Variants in ALCAM observed in about 807,000 individuals in gnomAD.
ALCAM encodes the protein CD166 antigen.
A neutral mutation model predicts 70.9 loss-of-function variants in ALCAM; 30 were observed. The observed-to-expected ratio is 0.42, with a 90% confidence interval of 0.32 to 0.57. The LOEUF (loss-of-function observed/expected upper bound fraction) is 0.57. ALCAM is among the 20% of genes least tolerant of loss of function. The probability of loss-of-function intolerance (pLI) is 0.11; values close to 1 mark genes in which losing one functional copy is unlikely to be tolerated. For synonymous variants in ALCAM, 249 were observed against 242.5 expected (o/e 1.03, Z -0.25); for missense variants, 591 against 695.1 (o/e 0.85, Z 1.68).
chr3:105,454,616 A>C (rs1050246157), intron 1 of ALCAM, among the ~76,000 whole-genome samples: 8 of 141,290 alleles, frequency 5.7e-5, no homozygotes, highest in Non-Finnish European at 9.1e-5. Context: ...TCTCAATAGC[A>C]CCTAGAACAG....
At chr3:105,482,191 C>T (rs920833268) in intron 1 of ALCAM, among the ~76,000 whole-genome samples, 33 of 152,166 alleles carry the variant, frequency 2.2e-4, no homozygotes, top group Non-Finnish European at 8.8e-5. Flanking sequence ...TTGGTCACTG[C>T]AACCTCTGTC....
chr3:105,565,445 T>A (rs1940722841), intron 14 of ALCAM, among the ~76,000 whole-genome samples: 1 of 152,224 alleles, frequency 6.6e-6, no homozygotes, highest in Admixed American at 6.5e-5. Context: ...TTATCATTTC[T>A]GATCTGTGTT....
At chr3:105,438,046 C>A (rs974043301) in intron 1 of ALCAM, among the ~76,000 whole-genome samples, 1 of 152,022 alleles carries the variant, frequency 6.6e-6, no homozygotes, top group Non-Finnish European at 1.5e-5. Context: ...AGAATTTTCC[C>A]TCTGCTGCCC....
At chr3:105,563,679 T>C (rs1337321075) in intron 14 of ALCAM, among the ~76,000 whole-genome samples, 1 of 96,314 alleles carries the variant, frequency 1.0e-5, no homozygotes, top group African/African-American at 4.7e-5. Context: ...TTTTTTTTTT[T>C]TTTTTTTTTT....
intron 1 of ALCAM, among the ~76,000 whole-genome samples, chr3:105,450,945 A>G (rs1937412097): frequency 6.6e-6 from 1 of 152,166 alleles, no homozygotes; most frequent in South Asian, 2.1e-4. Flanking sequence ...TAATTAATCA[A>G]TTCCAAACAT....
intron 1 of ALCAM, among the ~76,000 whole-genome samples, chr3:105,458,608 T>G (rs1937563806): frequency 6.6e-6 from 1 of 152,214 alleles, no homozygotes. Context: ...AACTAGATAT[T>G]TAAGCTTATT....
intron 1 of ALCAM, among the ~76,000 whole-genome samples, chr3:105,508,040 T>C (rs1303817068): frequency 6.6e-6 from 1 of 152,156 alleles, no homozygotes; most frequent in African/African-American, 2.4e-5. Context: ...TGATTTTCTA[T>C]TTTATTTTGA....
At chr3:105,532,203 T>A in intron 4 of ALCAM, 137 bp downstream of exon 4, 1 of 731,526 alleles carries the variant, frequency 1.4e-6, no homozygotes, top group East Asian at 2.6e-5. Flanking sequence ...TCAGAAATTA[T>A]CTACAAGGCA....
intron 1 of ALCAM, among the ~76,000 whole-genome samples, chr3:105,400,047 G>T (rs961529078): frequency 1.3e-5 from 2 of 152,078 alleles, no homozygotes; most frequent in Admixed American, 6.6e-5. Context: ...TTTATAAGTT[G>T]TCCCTACCTG....
chr3:105,565,511 A>T (rs1184010701), intron 14 of ALCAM, among the ~76,000 whole-genome samples: 2 of 152,122 alleles, frequency 1.3e-5, no homozygotes, highest in African/African-American at 2.4e-5. Flanking sequence ...TTATTATTAT[A>T]CTAATGTTTT....
intron 1 of ALCAM, among the ~76,000 whole-genome samples, chr3:105,368,223 A>AAGAGAGAGAGAGGAGAGAGAGAGAGAG (rs1935123067): frequency 7.4e-5 from 5 of 67,832 alleles, no homozygotes; most frequent in Admixed American, 4.1e-4. Context: ...TGAGTCTTGG[A>AAGAGAGAGAGAGGAGAGAGAGAGAGAG]AGAGAGAGAG....
In ALCAM at chr3:105,574,979, C is replaced by T. The variant is rs1940930426; in HGVS notation, c.*528C>T. ...GAAGATTGGGGACACTCATATTGCC[C>T]TAATTAAAAACTGTGATTTTTATCA... is the stretch of plus-strand genomic sequence containing the variant. On this transcript the variant is annotated 3_prime_UTR_variant, in exon 16 of 16. Transcript: ENST00000306107. 6.6e-6 allele frequency: 1 copy of T among 152,296 alleles called. No homozygotes were observed. Among genetic ancestry groups the T allele is most frequent in the Non-Finnish European group, 1.5e-5 (1 of 68,012 alleles). The allele number at this position is 152,296 out of a possible 1,614,324, so 9.4% of individuals were successfully genotyped here. A position where few individuals can be genotyped will look rare whatever the true frequency, so the allele number is the denominator to read the frequency against.
intron 1 of ALCAM, among the ~76,000 whole-genome samples, chr3:105,459,042 T>C (rs1029219857): frequency 6.6e-6 from 1 of 152,324 alleles, no homozygotes; most frequent in South Asian, 2.1e-4. Context: ...TTGTGTTGGA[T>C]GCTTAACAAC....
chr3:105,390,499 G>A (rs1935789907), intron 1 of ALCAM, among the ~76,000 whole-genome samples: 1 of 151,942 alleles, frequency 6.6e-6, no homozygotes, highest in South Asian at 2.1e-4. Context: ...CTGGATATTA[G>A]ACATTTGTCA....
intron 1 of ALCAM, among the ~76,000 whole-genome samples, chr3:105,474,442 G>A (rs1451787424): frequency 6.6e-6 from 1 of 151,712 alleles, no homozygotes; most frequent in Non-Finnish European, 1.5e-5. Flanking sequence ...ATGAGAGGAT[G>A]TTCAGTCTGA....
At chr3:105,456,767 C>T (rs1362991187) in intron 1 of ALCAM, among the ~76,000 whole-genome samples, 1 of 148,110 alleles carries the variant, frequency 6.8e-6, no homozygotes, top group Non-Finnish European at 1.5e-5. Context: ...TGTAAAATGG[C>T]TGTTTCTAAG....
At chr3:105,468,705 T>C (rs16851188) in intron 1 of ALCAM, among the ~76,000 whole-genome samples, 28,255 of 151,202 alleles carry the variant, frequency 0.19, 2,808 homozygotes, top group East Asian at 0.37. Context: ...CAAGAGTACA[T>C]AAAGATAATG....
intron 14 of ALCAM, among the ~76,000 whole-genome samples, chr3:105,566,075 A>G (rs576242134): frequency 7.9e-5 from 12 of 152,312 alleles, no homozygotes; most frequent in African/African-American, 2.4e-4. Flanking sequence ...CTGTTGTCCA[A>G]TGACAGAAAA....
intron 1 of ALCAM, among the ~76,000 whole-genome samples, chr3:105,414,138 C>T (rs912480932): frequency 6.6e-6 from 1 of 151,904 alleles, no homozygotes; most frequent in African/African-American, 2.4e-5. Flanking sequence ...GTGGCTCATA[C>T]CTGTATTCCC....
Sources: allele counts gnomAD v4.1 joint callset (sites outside exome capture counted in the v4.1 genomes callset), GRCh38; gene constraint gnomAD v4.1.1; transcripts MANE v1.5; gene names NCBI Gene and HGNC (gene_info 2026-07-23, HGNC 2026-07-21).